The following AUTS2 variants were observed in gnomAD, a reference collection of about 807,000 sequenced individuals.
AUTS2 encodes the protein activator of transcription and developmental regulator AUTS2.
Under a neutral mutation model 112.4 loss-of-function variants are expected in AUTS2, and 17 were observed. The observed-to-expected ratio is 0.15, with a 90% CI of 0.10 to 0.23. The LOEUF (loss-of-function observed/expected upper bound fraction) is 0.23. Ranked by LOEUF, AUTS2 falls within the 10% of genes least tolerant of loss-of-function variation. AUTS2 has a pLI of 1.00. For missense variants in AUTS2, 1,510 were observed against 1,701.6 expected, an observed-to-expected ratio of 0.89 and a Z score of 1.98; for synonymous variants, 751 against 702.7, an observed-to-expected ratio of 1.07 and a Z score of -1.09.
intron 4 of AUTS2, among the ~76,000 whole-genome samples, chr7:70,273,562 G>T (rs1011207127): frequency 2.6e-5 from 4 of 151,722 alleles, no homozygotes; most frequent in Non-Finnish European, 4.4e-5. Flanking sequence ...GAACATTAGG[G>T]ATAGAAAAAA....
chr7:69,841,893 T>C (rs963452450), intron 1 of AUTS2, among the ~76,000 whole-genome samples: 17 of 152,096 alleles, frequency 1.1e-4, no homozygotes, highest in African/African-American at 3.6e-4. Flanking sequence ...TTCTTAGGAG[T>C]TGCTTATTAA....
chr7:70,603,867 C>T (rs1283299633), intron 5 of AUTS2, among the ~76,000 whole-genome samples: 1 of 152,206 alleles, frequency 6.6e-6, no homozygotes, highest in Non-Finnish European at 1.5e-5. Flanking sequence ...ATAATAACTA[C>T]TATTTATTGA....
In AUTS2 at chr7:69,876,763, T is replaced by C. The variant is rs575413326; in HGVS notation, c.310-22523T>C. Among the ~76,000 whole-genome samples the C allele has an allele frequency of 1.4e-4, 21 of 151,982 alleles. No homozygotes were observed. The South Asian group carries it at 4.4e-3, about 32-fold the overall frequency. ...AGGATTTAGACCCTTTTCCAGTACA[T>C]TGACCTAGTAGTATTAACAGGACTG... On this transcript the variant is annotated intron_variant, in intron 1 of 18. Coordinates refer to ENST00000342771, the MANE Select transcript of AUTS2 (RefSeq NM_015570.4).
chr7:70,395,318 C>T (rs1042198928), intron 4 of AUTS2, among the ~76,000 whole-genome samples: 14 of 152,054 alleles, frequency 9.2e-5, no homozygotes, highest in South Asian at 2.1e-4. Flanking sequence ...GTGAGAGGAT[C>T]GCCTCTCACC....
At chr7:70,400,019 C>T (rs957479614) in intron 4 of AUTS2, among the ~76,000 whole-genome samples, 2 of 152,296 alleles carry the variant, frequency 1.3e-5, no homozygotes, top group South Asian at 2.1e-4. Context: ...CTTCAGCAAC[C>T]AGTGGGCAAA....
chr7:69,787,442 G>C (rs1789426769), intron 1 of AUTS2, among the ~76,000 whole-genome samples: 1 of 152,230 alleles, frequency 6.6e-6, no homozygotes, highest in Admixed American at 6.5e-5. Context: ...AAAGTCTTTT[G>C]TTGGCGAGAC....
chr7:69,702,258 G>C lies in AUTS2; in HGVS notation c.309+102296G>C, dbSNP rs567436915. On this transcript the variant is annotated intron_variant, in intron 1 of 18. Coordinates refer to ENST00000342771, the MANE Select transcript of AUTS2 (RefSeq NM_015570.4). ...ATAGAGGGAAAACCTTTATTCAGAAGCAGGCAGTTTTTCTGCAATATCTTC... is the reference window on the plus strand; with the variant it reads ...ATAGAGGGAAAACCTTTATTCAGAACCAGGCAGTTTTTCTGCAATATCTTC... 3.3e-5 allele frequency among the ~76,000 whole-genome samples: 5 copies of C among 152,286 alleles called. No homozygotes were observed. In the South Asian group the frequency reaches 1.0e-3, roughly 32 times the overall value.
intron 1 of AUTS2, among the ~76,000 whole-genome samples, chr7:69,611,705 T>C (rs1205611634): frequency 6.7e-6 from 1 of 148,860 alleles, no homozygotes; most frequent in Admixed American, 6.7e-5. Context: ...CCGAGGCGGG[T>C]GGATCACGAG....
At chr7:70,277,964 G>A (rs1387525748) in intron 4 of AUTS2, among the ~76,000 whole-genome samples, 173 of 149,752 alleles carry the variant, frequency 1.2e-3, no homozygotes, top group African/African-American at 3.3e-3. Flanking sequence ...ATGTATGTGT[G>A]TGTGTGTGTG....
intron 1 of AUTS2, among the ~76,000 whole-genome samples, chr7:69,834,897 C>A (rs1791654666): frequency 6.6e-6 from 1 of 152,048 alleles, no homozygotes; most frequent in Non-Finnish European, 1.5e-5. Context: ...TTTTCTTGTT[C>A]TCGTCTTATA....
intron 5 of AUTS2, among the ~76,000 whole-genome samples, chr7:70,637,049 G>A (rs1289263150): frequency 6.6e-6 from 1 of 152,168 alleles, no homozygotes; most frequent in South Asian, 2.1e-4. Context: ...TGTTATGTCA[G>A]GTAGGTTGTC....
intron 4 of AUTS2, among the ~76,000 whole-genome samples, chr7:70,382,220 C>T (rs1369982042): frequency 6.6e-6 from 1 of 152,164 alleles, no homozygotes; most frequent in Non-Finnish European, 1.5e-5. Flanking sequence ...TCTAGGTCAA[C>T]CAATTTGAAA....
At chr7:69,712,340 A>G (rs1407959608) in intron 1 of AUTS2, among the ~76,000 whole-genome samples, 5 of 152,152 alleles carry the variant, frequency 3.3e-5, no homozygotes, top group Non-Finnish European at 5.9e-5. Flanking sequence ...CACATTTCCC[A>G]AAGTTTCTTC....
At chr7:70,671,955 G>A (rs186657984) in intron 5 of AUTS2, among the ~76,000 whole-genome samples, 5 of 152,342 alleles carry the variant, frequency 3.3e-5, no homozygotes, top group South Asian at 2.1e-4. Context: ...AACGAAAGCC[G>A]TGGCAGTGAG....
intron 1 of AUTS2, among the ~76,000 whole-genome samples, chr7:69,893,073 A>G (rs1304162824): frequency 6.6e-6 from 1 of 152,248 alleles, no homozygotes; most frequent in Non-Finnish European, 1.5e-5. Context: ...TCCCTGGATA[A>G]GCAGCCTGAG....
At chr7:70,233,745 G>T (rs554654331) in intron 4 of AUTS2, among the ~76,000 whole-genome samples, 2 of 152,246 alleles carry the variant, frequency 1.3e-5, no homozygotes, top group East Asian at 3.9e-4. Flanking sequence ...TCAGGTTTTA[G>T]ACTATGGAGA....
At chr7:69,882,467 A>G (rs963616269) in intron 1 of AUTS2, among the ~76,000 whole-genome samples, 8 of 152,204 alleles carry the variant, frequency 5.3e-5, no homozygotes, top group Non-Finnish European at 7.3e-5. Context: ...CTCAGACCAC[A>G]TTCTAGGCTT....
rs555198960 is a variant in AUTS2, at chr7:70,693,684, A to G, written c.691-4885A>G. 3.3e-5 allele frequency among the ~76,000 whole-genome samples: 5 copies of G among 152,322 alleles called. No homozygotes were observed. In the East Asian group the frequency reaches 7.7e-4, roughly 24 times the overall value. The stretch of plus-strand genomic sequence containing the variant: ...ATGACTTTACCACTGAGCCCTCACA[A>G]CCGCCCAGAGAGCCTGCTCTTTGCA... On this transcript the variant is annotated intron_variant, in intron 5 of 18. Coordinates refer to ENST00000342771, the MANE Select transcript of AUTS2 (RefSeq NM_015570.4).
chr7:70,436,595 T>C (rs944348590), intron 5 of AUTS2: 1 of 152,274 alleles, frequency 6.6e-6, no homozygotes, highest in Non-Finnish European at 1.5e-5. Flanking sequence ...AATATCACGG[T>C]TTCTGTATTG....
Sources: allele counts gnomAD v4.1 joint callset (sites outside exome capture counted in the v4.1 genomes callset), GRCh38; gene constraint gnomAD v4.1.1; transcripts MANE v1.5; gene names NCBI Gene and HGNC (gene_info 2026-07-23, HGNC 2026-07-21).